The following PCDHGB6 variants were observed in gnomAD, a reference collection of about 807,000 sequenced individuals.
The protein encoded by PCDHGB6 is protocadherin gamma subfamily B, 6.
PCDHGB6 carries 51 observed loss-of-function variants against 59.1 expected under a neutral mutation model. That is an observed-to-expected ratio of 0.86 (90% CI 0.69 to 1.09). The LOEUF (loss-of-function observed/expected upper bound fraction) is 1.09. Ranked by LOEUF, PCDHGB6 falls within the 50% of genes least tolerant of loss-of-function variation. The pLI, the probability that PCDHGB6 is intolerant of heterozygous loss-of-function variation, is 0.00. For synonymous variants in PCDHGB6, 466 were observed against 495.1 expected (o/e 0.94, Z 0.78); for missense variants, 1,148 against 1,205.1 (o/e 0.95, Z 0.70).
chr5:141,501,831 C>G (rs1246452764), intron 2 of PCDHGB6, among the ~76,000 whole-genome samples: 1 of 152,176 alleles, frequency 6.6e-6, no homozygotes, highest in African/African-American at 2.4e-5. Context: ...GCCCACCCAC[C>G]TGTTTGGCCC....
chr5:141,408,561 T>C lies in PCDHGB6; in HGVS notation c.359T>C (p.Ile120Thr). Residue 120 changes from isoleucine (I) to threonine (T), a missense_variant, in exon 1 of 4, where the codon ATT becomes ACT. Coordinates refer to ENST00000520790, the MANE Select transcript of PCDHGB6 (RefSeq NM_018926.3). ...VENPLNIFHV[I>T]VVIEDVNDHA... ...AATCCTTTAAATATTTTTCATGTCA[T>C]TGTGGTGATTGAGGATGTTAATGAC... 6.2e-7 allele frequency: 1 copy of C among 1,613,994 alleles called. No homozygotes were observed.
In PCDHGB6 at chr5:141,454,796, ATTTTT is replaced by A. The variant is rs61612330; in HGVS notation, c.2419-39986_2419-39982del. Among the ~76,000 whole-genome samples the A allele has an allele frequency of 4.9e-3, 378 of 77,354 alleles. 2 individuals carry two copies. Among genetic ancestry groups the A allele is most frequent in the Admixed American group, 9.2e-3 (51 of 5,544 alleles). 50.7% of individuals were successfully genotyped at this position (77,354 alleles called of 152,430 possible). On this transcript the variant is annotated intron_variant, in intron 1 of 3. Coordinates refer to ENST00000520790, the MANE Select transcript of PCDHGB6 (RefSeq NM_018926.3). ...AAGGAAATAATCCTCCATGGTTCTA[ATTTTT>A]TTTTTTTTTTTTTTTTTTTTTTTTG...
At chr5:141,427,870 C>T (rs773176633) in intron 1 of PCDHGB6, 86 of 1,558,630 alleles carry the variant, frequency 5.5e-5, no homozygotes, top group Non-Finnish European at 4.8e-5. Context: ...TTCGAGCTCA[C>T]GATGCAGGCC....
chr5:141,408,717 T>C lies in PCDHGB6; in HGVS notation c.515T>C (p.Ile172Thr), dbSNP rs774691298. ...ININSIKDYK[I>T]NSNPYFSLMV... ...ATAAACTCAATTAAAGATTATAAGA[T>C]AAACTCTAATCCTTATTTTTCATTA... is the stretch of plus-strand genomic sequence containing the variant. The change falls in exon 1 of 4, where the codon ATA (isoleucine) becomes ACA (threonine). Residue 172 changes from isoleucine to threonine, a missense_variant. Ile to Thr is a moderately conservative substitution (Grantham distance 89). This residue lies in a region of PCDHGB6 where 307 missense variants were observed against 323.8 expected (regional missense o/e 0.95). Transcript: ENST00000520790. The C allele has an allele frequency of 1.9e-6, 3 of 1,611,662 alleles. No individual in the cohort carries two copies. In the South Asian group the frequency reaches 3.3e-5, roughly 18 times the overall value.
chr5:141,478,428 C>T (rs2154576655), intron 1 of PCDHGB6: 1 of 1,613,746 alleles, frequency 6.2e-7, no homozygotes, highest in Non-Finnish European at 8.5e-7. Flanking sequence ...CGCAGCGACC[C>T]GCTGCTGAAG....
rs371807105 is a variant in PCDHGB6 at position 141,476,586 on chromosome 5, A to G, written c.2419-18221A>G. ...GCTCCGGGGACGCGCTTTCCGCTCG[A>G]GAGCGCGCACGATCCCGATGTGGGA... is the stretch of plus-strand genomic sequence containing the variant. On this transcript the variant is annotated intron_variant, in intron 1 of 3. Coordinates refer to ENST00000520790, the MANE Select transcript of PCDHGB6 (RefSeq NM_018926.3). This position sits in a 1 kb window ranked among gnomAD's most constrained non-coding sequence, Gnocchi z 7.6. The G allele has an allele frequency of 6.2e-7, 1 of 1,614,222 alleles. No homozygotes were observed. The highest frequency in any genetic ancestry group is 8.5e-7 in the Non-Finnish European group (1 of 1,180,032).
chr5:141,426,882 C>T, intron 1 of PCDHGB6: 1 of 456,664 alleles, frequency 2.2e-6, no homozygotes, highest in South Asian at 1.5e-5. Flanking sequence ...GCCCCTGGGC[C>T]AGGAGCAACA....
chr5:141,442,751 T>G (rs756672976), intron 1 of PCDHGB6, among the ~76,000 whole-genome samples: 1 of 152,196 alleles, frequency 6.6e-6, no homozygotes, highest in Non-Finnish European at 1.5e-5. Context: ...CATGTTTTGA[T>G]TATATATATT....
At chr5:141,496,249 A>G (rs1385823714) in intron 2 of PCDHGB6, among the ~76,000 whole-genome samples, 1 of 152,078 alleles carries the variant, frequency 6.6e-6, no homozygotes, top group East Asian at 1.9e-4. Context: ...GCTGAAGGGG[A>G]GGGAAACTTC....
chr5:141,417,226 T>A (rs966071761), intron 1 of PCDHGB6: 4 of 152,134 alleles, frequency 2.6e-5, no homozygotes, highest in Admixed American at 1.3e-4. Flanking sequence ...GACAAAAAAA[T>A]TTGTTGCTTA....
At chr5:141,505,599 G>T in intron 3 of PCDHGB6, 118 bp downstream of exon 3, 1 of 1,555,586 alleles carries the variant, frequency 6.4e-7, no homozygotes, top group Non-Finnish European at 8.7e-7. Context: ...CAGATCTTTC[G>T]GCAGGTCTGA....
At chr5:141,462,651 CA>C (rs60282352) in intron 1 of PCDHGB6, among the ~76,000 whole-genome samples, 42,411 of 152,004 alleles carry the variant, frequency 0.28, 6,634 homozygotes, top group African/African-American at 0.43. Flanking sequence ...TTTCCATCCT[CA>C]ATTATCTTCA....
chr5:141,424,087 A>C, intron 1 of PCDHGB6: 1 of 933,106 alleles, frequency 1.1e-6, no homozygotes, highest in Non-Finnish European at 1.3e-6. Flanking sequence ...TTCCACCATT[A>C]TTTGCTATTA....
At chr5:141,469,111 T>TA (rs1275770294) in intron 1 of PCDHGB6, among the ~76,000 whole-genome samples, 1 of 151,476 alleles carries the variant, frequency 6.6e-6, no homozygotes, top group African/African-American at 2.4e-5. Context: ...AACCTGTCTC[T>TA]AAAAAAATTT....
intron 1 of PCDHGB6, chr5:141,442,107 C>A: frequency 6.0e-6 from 1 of 166,198 alleles, no homozygotes; most frequent in Non-Finnish European, 1.3e-5. Flanking sequence ...CCACCACTAC[C>A]GCCCCTCGTC....
In PCDHGB6 at chr5:141,408,637, T is replaced by C. The variant is rs766685548; in HGVS notation, c.435T>C (p.Ser145=). The C allele has an allele frequency of 4.3e-6, 7 of 1,614,044 alleles. No homozygotes were observed. Among genetic ancestry groups the C allele is most frequent in the Non-Finnish European group, 5.9e-6 (7 of 1,179,900 alleles). Residue 145 remains serine (S), a synonymous_variant, in exon 1 of 4, where the codon TCT becomes TCC. Transcript: ENST00000520790. The stretch of plus-strand genomic sequence containing the variant: ...AAATACATTTAGAAATTTTCGAATC[T>C]GCATCCGCTGGTACACGACTATCGC... ...KKEIHLEIFE[S]ASAGTRLSLD... is the part of the protein sequence containing the mutation.
intron 1 of PCDHGB6, chr5:141,414,836 T>C: frequency 6.2e-7 from 1 of 1,614,222 alleles, no homozygotes; most frequent in Non-Finnish European, 8.5e-7. Context: ...TCGTTGAGCC[T>C]GTTTGTGCTG....
rs138542775 is a variant in PCDHGB6, at chr5:141,491,313, C to T, written c.2419-3494C>T. ...ACCCTCCTGAGCGTTCAGACCTTAC[C>T]CTTTACCTCATTGTGGCTCTAGCGA... On this transcript the variant is annotated intron_variant, in intron 1 of 3. Transcript: ENST00000520790. This position sits in a 1 kb window ranked among gnomAD's most constrained non-coding sequence, Gnocchi z 6.9. 405 of 1,614,154 alleles carry T rather than the reference C, an allele frequency of 2.5e-4. 2 individuals are homozygous for T. In the African/African-American group the frequency reaches 4.5e-3, roughly 18 times the overall value.
At chr5:141,505,015 A>G (rs965107997) in intron 2 of PCDHGB6, among the ~76,000 whole-genome samples, 1 of 152,160 alleles carries the variant, frequency 6.6e-6, no homozygotes, top group Admixed American at 6.5e-5. Flanking sequence ...TACAAAAATT[A>G]GCCTGGCACA....
Sources: gnomAD v4.1 joint callset for allele counts (sites outside exome capture counted in the v4.1 genomes callset) on GRCh38, gnomAD v4.1.1 for gene constraint, gnomAD v4.1.1 regional missense constraint, Gnocchi (gnomAD v3.1) non-coding constraint, MANE v1.5 for transcripts, NCBI Gene and HGNC (gene_info 2026-07-23, HGNC 2026-07-21) for gene names.